Variants in PDE4D observed in about 807,000 individuals in gnomAD.
The protein encoded by PDE4D is phosphodiesterase 4D.
In PDE4D, 24 loss-of-function variants were observed where a neutral mutation model predicts 87.4. The observed-to-expected ratio is 0.27, with a 90% CI of 0.20 to 0.39. The LOEUF is 0.39. Among genes scored for constraint, PDE4D ranks in the 10% least tolerant of loss-of-function variants. The pLI is 1.00. For synonymous variants in PDE4D, 384 were observed against 383.2 expected (o/e 1.00, Z -0.02); for missense variants, 714 against 1,041.0 (o/e 0.69, Z 4.32).
At chr5:60,172,732 G>T (rs934592659) in intron 2 of PDE4D, among the ~76,000 whole-genome samples, 2 of 152,132 alleles carry the variant, frequency 1.3e-5, no homozygotes, top group Non-Finnish European at 2.9e-5. Flanking sequence ...ACAATTGGTA[G>T]TCCCTCTTCC....
intron 5 of PDE4D, among the ~76,000 whole-genome samples, chr5:59,050,151 C>T (rs1159605731): frequency 6.6e-6 from 1 of 152,144 alleles, no homozygotes; most frequent in African/African-American, 2.4e-5. Context: ...CCTGTAATCC[C>T]AGCTACTTGG....
At chr5:58,976,907 A>G (rs1184359209) in intron 12 of PDE4D, among the ~76,000 whole-genome samples, 1 of 152,192 alleles carries the variant, frequency 6.6e-6, no homozygotes, top group Non-Finnish European at 1.5e-5. Context: ...GGCCCACACA[A>G]TCTGCTTTTG....
chr5:60,391,801 G>A (rs998612488), intron 1 of PDE4D, among the ~76,000 whole-genome samples: 5 of 152,078 alleles, frequency 3.3e-5, no homozygotes, highest in Non-Finnish European at 7.4e-5. Context: ...AACCTCTTTG[G>A]GGGCCATTAT....
At chr5:59,992,000 C>T (rs1763052803) in intron 2 of PDE4D, among the ~76,000 whole-genome samples, 1 of 152,160 alleles carries the variant, frequency 6.6e-6, no homozygotes, top group Admixed American at 6.5e-5. Context: ...ACCATCTAAT[C>T]AGCTGCAAGC....
At chr5:59,813,705 T>C (rs1446866785) in intron 1 of PDE4D, among the ~76,000 whole-genome samples, 1 of 152,142 alleles carries the variant, frequency 6.6e-6, no homozygotes, top group East Asian at 1.9e-4. Flanking sequence ...GGAAAAAAAC[T>C]CAGGCCTGTT....
intron 1 of PDE4D, among the ~76,000 whole-genome samples, chr5:59,708,843 G>A (rs894587214): frequency 1.1e-4 from 16 of 151,538 alleles, no homozygotes; most frequent in East Asian, 3.9e-4. Flanking sequence ...TACTTAGGAC[G>A]TGAAAGTCAC....
chr5:59,996,229 T>C (rs1763515725), intron 2 of PDE4D, among the ~76,000 whole-genome samples: 1 of 152,234 alleles, frequency 6.6e-6, no homozygotes, highest in African/African-American at 2.4e-5. Flanking sequence ...AAGGTCAGCA[T>C]GTTAAATAGT....
intron 1 of PDE4D, among the ~76,000 whole-genome samples, chr5:59,234,260 A>C (rs557029005): frequency 6.6e-6 from 1 of 152,218 alleles, no homozygotes; most frequent in Non-Finnish European, 1.5e-5. Context: ...TATGATATTC[A>C]ATTATGTGTA....
At chr5:58,997,808 T>G (rs1054362866) in intron 6 of PDE4D, among the ~76,000 whole-genome samples, 2 of 152,126 alleles carry the variant, frequency 1.3e-5, no homozygotes, top group Non-Finnish European at 2.9e-5. Flanking sequence ...ATTTTGCTTT[T>G]CAGAACTGCA....
intron 5 of PDE4D, among the ~76,000 whole-genome samples, chr5:59,080,998 C>T (rs1191266946): frequency 6.6e-6 from 1 of 152,102 alleles, no homozygotes; most frequent in African/African-American, 2.4e-5. Context: ...GTTTTAGACA[C>T]TTCTAATCAA....
At chr5:60,346,248 C>T (rs1481397350) in intron 1 of PDE4D, among the ~76,000 whole-genome samples, 1 of 152,084 alleles carries the variant, frequency 6.6e-6, no homozygotes, top group Admixed American at 6.6e-5. Context: ...AGAAATTCAA[C>T]TGGAAAGTTC....
intron 3 of PDE4D, among the ~76,000 whole-genome samples, chr5:59,921,203 AATT>A (rs1754635061): frequency 1.3e-5 from 2 of 152,178 alleles, no homozygotes; most frequent in African/African-American, 2.4e-5. Context: ...AATAATTAAA[AATT>A]ATTATTATTA....
At chr5:59,997,476 A>T (rs1763619927) in intron 2 of PDE4D, among the ~76,000 whole-genome samples, 1 of 152,198 alleles carries the variant, frequency 6.6e-6, no homozygotes, top group Non-Finnish European at 1.5e-5. Context: ...ATAAACATGA[A>T]AGAAAAACCT....
intron 3 of PDE4D, among the ~76,000 whole-genome samples, chr5:59,191,267 G>C (rs2153485043): frequency 6.6e-6 from 1 of 152,150 alleles, no homozygotes; most frequent in East Asian, 1.9e-4. Context: ...TGGAATTTAA[G>C]AGCACTGATG....
At chr5:59,148,795 CTG>C (rs1779058930) in intron 5 of PDE4D, among the ~76,000 whole-genome samples, 1 of 115,192 alleles carries the variant, frequency 8.7e-6, no homozygotes, top group Admixed American at 9.1e-5. Context: ...GTGTGTGTAT[CTG>C]TGTGTGTACA....
chr5:60,158,379 C>T (rs892772252), intron 2 of PDE4D, among the ~76,000 whole-genome samples: 1 of 151,920 alleles, frequency 6.6e-6, no homozygotes, highest in Admixed American at 6.6e-5. Context: ...AGGAAAGATA[C>T]AGTAAAAATG....
intron 1 of PDE4D, among the ~76,000 whole-genome samples, chr5:59,301,735 A>C (rs187227239): frequency 1.2e-4 from 19 of 152,212 alleles, no homozygotes; most frequent in Non-Finnish European, 1.2e-4. Flanking sequence ...AAATGTCTTC[A>C]TGTTACTTAG....
At chr5:59,063,853 G>A (rs1229128449) in intron 5 of PDE4D, among the ~76,000 whole-genome samples, 1 of 152,098 alleles carries the variant, frequency 6.6e-6, no homozygotes, top group Non-Finnish European at 1.5e-5. Flanking sequence ...GAAAGTTAAA[G>A]ATGAGTGAAA....
chr5:59,302,897 C>T (rs1489136618), intron 1 of PDE4D, among the ~76,000 whole-genome samples: 1 of 152,136 alleles, frequency 6.6e-6, no homozygotes, highest in African/African-American at 2.4e-5. Flanking sequence ...TGGGTAGATA[C>T]CTAGTAGTGG....
Sources: allele counts gnomAD v4.1 joint callset (sites outside exome capture counted in the v4.1 genomes callset), GRCh38; gene constraint gnomAD v4.1.1; transcripts MANE v1.5; gene names NCBI Gene and HGNC (gene_info 2026-07-23, HGNC 2026-07-21).